Variants in NTRK3 observed in about 807,000 individuals in gnomAD.
NTRK3 encodes NT-3 growth factor receptor.
A neutral mutation model predicts 91.7 loss-of-function variants in NTRK3; 24 were observed. The observed-to-expected ratio is 0.26, with a 90% CI of 0.19 to 0.37. NTRK3 has a LOEUF of 0.37. Ranked by LOEUF, NTRK3 falls within the 10% of genes least tolerant of loss-of-function variation. NTRK3 has a pLI of 1.00. For missense variants in NTRK3, 880 were observed against 1,068.9 expected, an observed-to-expected ratio of 0.82 and a Z score of 2.46; for synonymous variants, 483 against 404.0, an observed-to-expected ratio of 1.20 and a Z score of -2.34.
At position 87,878,850 on chromosome 15, in the gene NTRK3, A is replaced by T. The variant is rs111933442; in HGVS notation, c.2292+1420T>A. Among the ~76,000 whole-genome samples the T allele has an allele frequency of 6.7e-3, 1,019 of 151,066 alleles. 14 individuals are homozygous for T. The highest frequency in any genetic ancestry group is 0.024 in the Middle Eastern group (7 of 294). ...AGACCAATAGCAACCTCAGCCCAGA[A>T]CCTCTGTTTACTGGGGCCACCAAAC... On this transcript the variant is annotated intron_variant, in intron 18 of 18. Coordinates refer to ENST00000394480, the Ensembl canonical transcript of NTRK3.
chr15:88,155,821 T>TA (rs1483771702), intron 5 of NTRK3, among the ~76,000 whole-genome samples: 2 of 151,652 alleles, frequency 1.3e-5, no homozygotes, highest in East Asian at 3.8e-4. Flanking sequence ...TCTATCTATC[T>TA]ATCTATCTAT....
intron 5 of NTRK3, among the ~76,000 whole-genome samples, chr15:88,173,035 G>A (rs2045663337): frequency 1.3e-5 from 2 of 152,152 alleles, no homozygotes; most frequent in African/African-American, 2.4e-5. Flanking sequence ...CTGAAGCTTG[G>A]TGAATTCTGC....
At chr15:88,148,780 GC>G (rs1271676038) in intron 5 of NTRK3, among the ~76,000 whole-genome samples, 2 of 152,168 alleles carry the variant, frequency 1.3e-5, no homozygotes, top group Non-Finnish European at 2.9e-5. Flanking sequence ...AAGTTGGCAG[GC>G]CAGCTAGGAA....
chr15:88,029,366 T>G (rs2078323677), intron 14 of NTRK3, among the ~76,000 whole-genome samples: 1 of 152,180 alleles, frequency 6.6e-6, no homozygotes, highest in Non-Finnish European at 1.5e-5. Context: ...CCTGACATGC[T>G]AGGAAAAATG....
At chr15:88,081,705 G>T (rs1378860704) in intron 13 of NTRK3, among the ~76,000 whole-genome samples, 1 of 152,170 alleles carries the variant, frequency 6.6e-6, no homozygotes, top group Non-Finnish European at 1.5e-5. Flanking sequence ...GGGCAAAAGT[G>T]GTCTCTCCAT....
chr15:88,003,522 T>C (rs888582173), intron 14 of NTRK3, among the ~76,000 whole-genome samples: 1 of 152,178 alleles, frequency 6.6e-6, no homozygotes, highest in Non-Finnish European at 1.5e-5. Flanking sequence ...GAAAGAACTA[T>C]GGCATAGAGA....
At chr15:87,901,356 G>A (rs371965345) in intron 17 of NTRK3, among the ~76,000 whole-genome samples, 77 of 152,354 alleles carry the variant, frequency 5.1e-4, no homozygotes, top group African/African-American at 1.8e-3. Context: ...GGGAATTTGA[G>A]CAGGTGGACT....
chr15:87,941,314 A>C (rs1322452982), intron 14 of NTRK3, among the ~76,000 whole-genome samples: 1 of 152,182 alleles, frequency 6.6e-6, no homozygotes, highest in Non-Finnish European at 1.5e-5. Context: ...CCAGAGCCTC[A>C]ACTTCCTCAT....
intron 5 of NTRK3, among the ~76,000 whole-genome samples, chr15:88,155,865 C>T (rs899010719): frequency 2.6e-5 from 4 of 151,778 alleles, no homozygotes; most frequent in African/African-American, 9.7e-5. Context: ...AGGTATTTCA[C>T]ATTCTTTTTT....
chr15:87,929,359 T>C (rs1211226270), exon 17 of NTRK3: 1 of 1,613,926 alleles, frequency 6.2e-7, no homozygotes, highest in South Asian at 1.1e-5. Flanking sequence ...TGTGGAGCAT[T>C]TGGGAGAGCC....
chr15:88,057,221 G>A (rs955471000), intron 13 of NTRK3, among the ~76,000 whole-genome samples: 10 of 151,278 alleles, frequency 6.6e-5, no homozygotes, highest in African/African-American at 2.4e-4. Context: ...TGAGGGCTGG[G>A]TGCAGTGGCT....
In NTRK3 at chr15:88,090,119, G is replaced by A. The variant is rs1281386598; in HGVS notation, c.1396+36152C>T. Among the ~76,000 whole-genome samples the A allele has an allele frequency of 5.3e-5, 8 of 152,182 alleles. No individual in the cohort carries two copies. In the East Asian group the frequency reaches 1.5e-3, roughly 29 times the overall value. ...CTCTGCTCGGCTTGCACTCATTCAA[G>A]TAGATTTCCCATCCCAAAGACCTCC... On this transcript the variant is annotated intron_variant, in intron 13 of 18. Coordinates refer to ENST00000394480, the Ensembl canonical transcript of NTRK3.
At chr15:88,134,997 C>A in intron 10 of NTRK3, 104 bp downstream of exon 10, 1 of 1,343,794 alleles carries the variant, frequency 7.4e-7, no homozygotes. Flanking sequence ...CCCATGATAA[C>A]AGTATGAGTA....
exon 19 of NTRK3, chr15:87,872,753 A>T (rs867478523): frequency 8.6e-6 from 2 of 232,304 alleles, no homozygotes; most frequent in African/African-American, 2.2e-5. Flanking sequence ...ATCCTTTGCC[A>T]TTGGTAACTT....
intron 3 of NTRK3, among the ~76,000 whole-genome samples, chr15:88,213,056 A>G (rs1281285042): frequency 6.6e-6 from 1 of 152,232 alleles, no homozygotes; most frequent in African/African-American, 2.4e-5. Context: ...TTTAAGCCAT[A>G]GTAAAAATGT....
intron 13 of NTRK3, among the ~76,000 whole-genome samples, chr15:88,038,816 G>A (rs926566849): frequency 1.3e-5 from 2 of 151,600 alleles, no homozygotes; most frequent in Non-Finnish European, 2.9e-5. Flanking sequence ...GTGCCAGGTT[G>A]AGAACCACTG....
chr15:87,871,320 G>C (rs550121066), exon 19 of NTRK3: 1 of 231,430 alleles, frequency 4.3e-6, no homozygotes, highest in East Asian at 6.1e-5. Flanking sequence ...AGCTCTTCAG[G>C]GTAGGGCAGC....
chr15:88,029,721 C>A (rs2078362420), intron 14 of NTRK3, among the ~76,000 whole-genome samples: 1 of 152,208 alleles, frequency 6.6e-6, no homozygotes, highest in Non-Finnish European at 1.5e-5. Flanking sequence ...GCCTTATCTG[C>A]CACACCATAA....
chr15:88,042,296 T>G (rs1454128429), intron 13 of NTRK3, among the ~76,000 whole-genome samples: 1 of 152,184 alleles, frequency 6.6e-6, no homozygotes, highest in African/African-American at 2.4e-5. Flanking sequence ...AGAAAATCAA[T>G]TTCTTAATTT....
Sources: allele counts gnomAD v4.1 joint callset (sites outside exome capture counted in the v4.1 genomes callset), GRCh38; gene constraint gnomAD v4.1.1; transcripts MANE v1.5; gene names NCBI Gene and HGNC (gene_info 2026-07-23, HGNC 2026-07-21).